Variants in CPXM2 observed in about 807,000 individuals in gnomAD.
The protein encoded by CPXM2 is inactive carboxypeptidase-like protein X2.
CPXM2 carries 66 observed loss-of-function variants against 86.1 expected under a neutral mutation model. That is an observed-to-expected ratio of 0.77 (90% CI 0.63 to 0.94). CPXM2 has a LOEUF of 0.94. Among genes scored for constraint, CPXM2 ranks in the 40% least tolerant of loss-of-function variants. CPXM2 has a pLI of 0.00. For missense variants in CPXM2, 948 were observed against 1,026.3 expected, an observed-to-expected ratio of 0.92 and a Z score of 1.04; for synonymous variants, 388 against 400.2, an observed-to-expected ratio of 0.97 and a Z score of 0.36.
At chr10:123,749,306 C>T (rs1259175710) in intron 13 of CPXM2, among the ~76,000 whole-genome samples, 1 of 152,120 alleles carries the variant, frequency 6.6e-6, no homozygotes, top group Non-Finnish European at 1.5e-5. Flanking sequence ...CAGGTTCTCA[C>T]CAAGGGAGGT....
intron 4 of CPXM2, 53 bp from the exon 5 acceptor site, chr10:123,799,252 T>C: frequency 6.2e-7 from 1 of 1,606,414 alleles, no homozygotes; most frequent in Non-Finnish European, 8.5e-7. Context: ...TGTTTGTTCT[T>C]CCATGAAGAG....
chr10:123,812,443 AATT>A (rs1407338210), intron 4 of CPXM2, among the ~76,000 whole-genome samples: 1 of 152,200 alleles, frequency 6.6e-6, no homozygotes, highest in Non-Finnish European at 1.5e-5. Context: ...GTAGGAGATT[AATT>A]GGTCCCCGAT....
At chr10:123,787,266 C>CTG (rs1243915612) in intron 6 of CPXM2, among the ~76,000 whole-genome samples, 2 of 152,124 alleles carry the variant, frequency 1.3e-5, no homozygotes, top group Non-Finnish European at 2.9e-5. Flanking sequence ...GGAAGGAAGC[C>CTG]CCAGGTGGGC....
At chr10:123,780,821 AGCTCCAGG>A (rs1190515702) in intron 6 of CPXM2, among the ~76,000 whole-genome samples, 6 of 152,136 alleles carry the variant, frequency 3.9e-5, no homozygotes, top group Non-Finnish European at 8.8e-5. Context: ...TCAAGTCCCC[AGCTCCAGG>A]GCTCCAACAT....
chr10:123,753,605 C>A (rs140385087), intron 13 of CPXM2, among the ~76,000 whole-genome samples: 1 of 152,204 alleles, frequency 6.6e-6, no homozygotes, highest in Non-Finnish European at 1.5e-5. Flanking sequence ...CATGTATGAG[C>A]GTTCTTTGAG....
Position 123,766,050 on chromosome 10 carries a change from T to C in CPXM2, c.1479+923A>G, listed in dbSNP as rs1260851227. 9.8e-5 allele frequency among the ~76,000 whole-genome samples: 15 copies of C among 152,366 alleles called. No individual in the cohort carries two copies. In the East Asian group the frequency reaches 2.9e-3, roughly 29 times the overall value. ...GTGAGAGTTAAGCAGAAGTAGTATG[T>C]AGAACCGCTTATAGGAAATTGAATT... On this transcript the variant is annotated intron_variant, in intron 10 of 13. Coordinates refer to ENST00000241305, the MANE Select transcript of CPXM2 (RefSeq NM_198148.3).
chr10:123,929,225 T>C (rs1945646808), intron 2 of CPXM2, among the ~76,000 whole-genome samples: 1 of 152,182 alleles, frequency 6.6e-6, no homozygotes, highest in African/African-American at 2.4e-5. Context: ...GTTAGGGACC[T>C]GAGGAGCCAA....
chr10:123,877,995 C>T (rs1345370340), intron 2 of CPXM2, among the ~76,000 whole-genome samples: 1 of 152,182 alleles, frequency 6.6e-6, no homozygotes, highest in Non-Finnish European at 1.5e-5. Context: ...TGCCTGCCAC[C>T]TTGAACATAA....
In CPXM2 at chr10:123,862,663, G is replaced by T. The variant is rs146535848; in HGVS notation, c.464C>A (p.Thr155Lys). The change falls in exon 3 of 14, where the codon ACG becomes AAG. Residue 155 changes from threonine (T) to lysine (K), a missense_variant. Coordinates refer to ENST00000241305, the MANE Select transcript of CPXM2 (RefSeq NM_198148.3). ...TGCCCCCAGGCCATAGCGCTTCACC[G>T]TGGAGGCATGGAGCTGGAAGTCTGT... is the stretch of plus-strand genomic sequence containing the variant. The part of the protein sequence containing the change: ...KITDFQLHAS[T>K]VKRYGLGAHR... The T allele has an allele frequency of 6.2e-7, 1 of 1,614,078 alleles. No individual in the cohort carries two copies. Among genetic ancestry groups the T allele is most frequent in the Non-Finnish European group, 8.5e-7 (1 of 1,180,040 alleles).
intron 3 of CPXM2, among the ~76,000 whole-genome samples, chr10:123,861,430 G>T (rs577085531): frequency 6.6e-6 from 1 of 152,148 alleles, no homozygotes; most frequent in African/African-American, 2.4e-5. Context: ...GGGATGGGGC[G>T]GCAGAATAAC....
intron 7 of CPXM2, among the ~76,000 whole-genome samples, chr10:123,778,752 C>CAA (rs1197912670): frequency 6.6e-6 from 1 of 152,184 alleles, no homozygotes; most frequent in Non-Finnish European, 1.5e-5. Context: ...GTCCAGTGAG[C>CAA]AAAGCGGAGT....
chr10:123,811,670 T>C (rs117395051), intron 4 of CPXM2, among the ~76,000 whole-genome samples: 1 of 152,330 alleles, frequency 6.6e-6, no homozygotes, highest in East Asian at 1.9e-4. Flanking sequence ...GCTGAGAGAA[T>C]CTATTTTGAG....
chr10:123,906,569 C>G (rs1484301518), intron 2 of CPXM2, among the ~76,000 whole-genome samples: 1 of 152,190 alleles, frequency 6.6e-6, no homozygotes, highest in Non-Finnish European at 1.5e-5. Flanking sequence ...TAAATTAAAT[C>G]CAGAAGCTGC....
intron 2 of CPXM2, among the ~76,000 whole-genome samples, chr10:123,863,637 G>A (rs909971714): frequency 6.6e-6 from 1 of 152,216 alleles, no homozygotes; most frequent in African/African-American, 2.4e-5. Flanking sequence ...CTGACCAGCA[G>A]GGTTAATCCT....
chr10:123,896,274 A>G (rs1413795472), upstream of CPXM2, among the ~76,000 whole-genome samples: 1 of 152,250 alleles, frequency 6.6e-6, no homozygotes, highest in African/African-American at 2.4e-5. Flanking sequence ...AATTTGAAAA[A>G]TTAGCTGCTA....
intron 2 of CPXM2, among the ~76,000 whole-genome samples, chr10:123,911,620 T>C (rs74162972): frequency 0.019 from 2,842 of 151,972 alleles, 94 homozygotes; most frequent in African/African-American, 0.065. Flanking sequence ...TGAGAGAAGC[T>C]GAGAGACTTC....
At position 123,761,823 on chromosome 10, in the gene CPXM2, C is replaced by T. The variant is rs757684763; in HGVS notation, c.1777+49G>A. 3.8e-6 allele frequency: 6 copies of T among 1,558,828 alleles called. No homozygotes were observed. In the East Asian group the frequency reaches 9.3e-5, roughly 24 times the overall value. On this transcript the variant is annotated intron_variant, in intron 11 of 13. Coordinates refer to ENST00000241305, the MANE Select transcript of CPXM2 (RefSeq NM_198148.3). ...CAGGAGGGCCAGGAGGAGACCCCTGCAGCGTCCTCCTGCGCCCGCAGCCCA... is the reference window on the plus strand; with the variant it reads ...CAGGAGGGCCAGGAGGAGACCCCTGTAGCGTCCTCCTGCGCCCGCAGCCCA...
At chr10:123,843,466 C>T (rs1848431654) in intron 3 of CPXM2, among the ~76,000 whole-genome samples, 1 of 136,550 alleles carries the variant, frequency 7.3e-6, no homozygotes. Context: ...CGGAGTCTCG[C>T]TCTGTTGCCC....
chr10:123,921,111 A>T (rs1353922636), intron 2 of CPXM2, among the ~76,000 whole-genome samples: 1 of 152,208 alleles, frequency 6.6e-6, no homozygotes, highest in East Asian at 1.9e-4. Flanking sequence ...GTTAGGGAAA[A>T]GGGTGGAATA....
Sources: gnomAD v4.1 joint callset for allele counts (sites outside exome capture counted in the v4.1 genomes callset) on GRCh38, gnomAD v4.1.1 for gene constraint, MANE v1.5 for transcripts, NCBI Gene and HGNC (gene_info 2026-07-23, HGNC 2026-07-21) for gene names.